MTUS1: variants seen among roughly 807,000 people sequenced by gnomAD.
MTUS1 encodes microtubule associated scaffold protein 1, also known as microtubule-associated tumor suppressor 1.
In MTUS1, 109 loss-of-function variants were observed where a neutral mutation model predicts 120.8. That is an observed-to-expected ratio of 0.90 (90% CI 0.77 to 1.06). The LOEUF is 1.06. Among genes scored for constraint, MTUS1 ranks in the 50% least tolerant of loss-of-function variants. MTUS1 has a pLI of 0.00. For synonymous variants in MTUS1, 737 were observed against 550.5 expected (o/e 1.34, Z -4.74); for missense variants, 2,210 against 1,486.3 (o/e 1.49, Z -8.01).
chr8:17,702,595 G>A (rs1219032251), intron 6 of MTUS1, among the ~76,000 whole-genome samples: 1 of 152,130 alleles, frequency 6.6e-6, no homozygotes, highest in Non-Finnish European at 1.5e-5. Context: ...CTTTGACTAT[G>A]TTAGATGCCT....
intron 6 of MTUS1, among the ~76,000 whole-genome samples, chr8:17,699,597 T>G (rs1818636467): frequency 6.6e-6 from 1 of 152,226 alleles, no homozygotes; most frequent in Admixed American, 6.5e-5. Context: ...ATCAGATTCA[T>G]TAACATTTTT....
rs777452896 is a variant in MTUS1 at position 17,755,740 on chromosome 8, T to C, written c.68A>G (p.Asp23Gly). The change falls in exon 2 of 15, where the codon GAT becomes GGT. Residue 23 changes from aspartate to glycine, a missense_variant. By Grantham distance (94) the Asp-to-Gly change is moderately conservative (BLOSUM62 -1). Transcript: ENST00000693296. ...ELQTFFTSDK[D>G]GNTHAYNPKS... ...CGGGTTGTATGCATGTGTATTTCCA[T>C]CTTTATCACTGGTAAAGAAGGTTTG... 1.2e-6 allele frequency: 2 copies of C among 1,614,016 alleles called. No individual in the cohort carries two copies. The highest frequency in any genetic ancestry group is 8.5e-7 in the Non-Finnish European group (1 of 1,179,998).
chr8:17,753,866 C>T lies in MTUS1; in HGVS notation c.1942G>A (p.Ala648Thr), dbSNP rs1220551134. 3 of 1,614,194 alleles carry T rather than the reference C, an allele frequency of 1.9e-6. No individual in the cohort carries two copies. Among genetic ancestry groups the T allele is most frequent in the East Asian group, 2.2e-5 (1 of 44,890 alleles). ...ACATAGGTCATTTCCAAACATTCTGCACTTTCCATTTTAACAGGGAGTATG... is the reference window on the plus strand; with the variant it reads ...ACATAGGTCATTTCCAAACATTCTGTACTTTCCATTTTAACAGGGAGTATG... ...KGILPVKMESAECLEMTYVPN... is the reference protein window; with the variant it reads ...KGILPVKMESTECLEMTYVPN... The change falls in exon 2 of 15, where the codon GCA (alanine) becomes ACA (threonine). Residue 648 changes from alanine (A) to threonine (T), a missense_variant. Ala to Thr is a moderately conservative substitution (Grantham distance 58). Coordinates refer to ENST00000693296, the MANE Select transcript of MTUS1 (RefSeq NM_001363059.2).
At chr8:17,761,372 TTCA>T (rs1362050949) in intron 1 of MTUS1, among the ~76,000 whole-genome samples, 1 of 152,202 alleles carries the variant, frequency 6.6e-6, no homozygotes, top group South Asian at 2.1e-4. Flanking sequence ...TATAATAGAA[TTCA>T]TCATCATTAC....
intron 1 of MTUS1, among the ~76,000 whole-genome samples, chr8:17,759,314 A>C (rs1271221648): frequency 2.0e-5 from 3 of 149,810 alleles, no homozygotes; most frequent in African/African-American, 7.4e-5. Flanking sequence ...CCCAAGCTGC[A>C]GTGCAGTGAT....
At chr8:17,650,223 C>T (rs1372996173) in intron 12 of MTUS1, among the ~76,000 whole-genome samples, 1 of 152,136 alleles carries the variant, frequency 6.6e-6, no homozygotes, top group Non-Finnish European at 1.5e-5. Flanking sequence ...GTTATTGTAT[C>T]AAGAGAAAAA....
At chr8:17,699,011 C>G (rs1339363504) in intron 6 of MTUS1, among the ~76,000 whole-genome samples, 5 of 152,010 alleles carry the variant, frequency 3.3e-5, no homozygotes, top group Admixed American at 6.6e-5. Context: ...AAAAATATAC[C>G]AGAACCTTTT....
At chr8:17,668,793 C>T (rs1296690004) in intron 8 of MTUS1, among the ~76,000 whole-genome samples, 4 of 152,088 alleles carry the variant, frequency 2.6e-5, no homozygotes, top group Non-Finnish European at 5.9e-5. Flanking sequence ...GCCCAGTACC[C>T]GATAGTTATT....
chr8:17,775,523 G>C (rs900333461), intron 1 of MTUS1, among the ~76,000 whole-genome samples: 20 of 152,134 alleles, frequency 1.3e-4, no homozygotes, highest in African/African-American at 4.8e-4. Context: ...CTAGATGGTC[G>C]CACAGAAAGC....
At chr8:17,784,632 G>A (rs11986789) in intron 1 of MTUS1, among the ~76,000 whole-genome samples, 110,907 of 152,002 alleles carry the variant, frequency 0.73, 42,049 homozygotes, top group Non-Finnish European at 0.85. Flanking sequence ...TAATTTTTAC[G>A]ATTGAGTTCC....
At chr8:17,764,621 A>C (rs1276149382) in intron 1 of MTUS1, among the ~76,000 whole-genome samples, 1 of 152,206 alleles carries the variant, frequency 6.6e-6, no homozygotes, top group Non-Finnish European at 1.5e-5. Context: ...AATATAAAAT[A>C]TCTTAGGCTT....
intron 3 of MTUS1, among the ~76,000 whole-genome samples, chr8:17,738,815 G>T (rs975749694): frequency 6.6e-6 from 1 of 152,054 alleles, no homozygotes; most frequent in Admixed American, 6.6e-5. Flanking sequence ...AAACCATTCA[G>T]CTGGGCAACA....
At chr8:17,724,919 T>C (rs1286694603) in intron 3 of MTUS1, among the ~76,000 whole-genome samples, 2 of 152,194 alleles carry the variant, frequency 1.3e-5, no homozygotes, top group African/African-American at 4.8e-5. Context: ...TTATGCTAAT[T>C]ATAGCTCCAC....
chr8:17,684,522 T>G lies in MTUS1; in HGVS notation c.2644A>C (p.Asn882His). The change falls in exon 7 of 15, where the codon AAT (asparagine) becomes CAT (histidine). Residue 882 changes from asparagine (N) to histidine (H), a missense_variant. Asn to His is a moderately conservative substitution (Grantham distance 68). Coordinates refer to ENST00000693296, the MANE Select transcript of MTUS1 (RefSeq NM_001363059.2). ...GGCTGGATACATAAGCTTCGAGGATTCTTTTGCCTGCTCTTTTCAACTGCA... is the reference window on the plus strand; with the variant it reads ...GGCTGGATACATAAGCTTCGAGGATGCTTTTGCCTGCTCTTTTCAACTGCA... Reference protein sequence around the residue: ...LNAVEKSRQKNPRSLCIQPQT... With the variant: ...LNAVEKSRQKHPRSLCIQPQT... 2.5e-6 allele frequency: 4 copies of G among 1,613,960 alleles called. No individual in the cohort carries two copies. Among genetic ancestry groups the G allele is most frequent in the Non-Finnish European group, 3.4e-6 (4 of 1,179,994 alleles).
intron 1 of MTUS1, among the ~76,000 whole-genome samples, chr8:17,772,766 G>A (rs879694312): frequency 6.6e-6 from 1 of 152,104 alleles, no homozygotes; most frequent in African/African-American, 2.4e-5. Context: ...TTTGTAAACA[G>A]CCAGAGTAGT....
At chr8:17,765,873 G>C (rs537021931) in intron 1 of MTUS1, among the ~76,000 whole-genome samples, 16 of 152,018 alleles carry the variant, frequency 1.1e-4, no homozygotes, top group African/African-American at 3.6e-4. Context: ...AGGTACCATA[G>C]GGCTTCTAAA....
chr8:17,680,462 CGCAAAAAAAAAAA>C (rs1216813831), intron 7 of MTUS1, among the ~76,000 whole-genome samples: 9 of 92,210 alleles, frequency 9.8e-5, no homozygotes, highest in African/African-American at 2.7e-4. Flanking sequence ...AGGCCACTGT[CGCAAAAAAAAAAA>C]AAAAAAAAAA....
At chr8:17,783,639 T>G (rs1374821869) in intron 1 of MTUS1, among the ~76,000 whole-genome samples, 2 of 152,218 alleles carry the variant, frequency 1.3e-5, no homozygotes, top group African/African-American at 2.4e-5. Context: ...TGTGTTCAAC[T>G]CAGCCTGAGG....
intron 13 of MTUS1, 112 bp from the exon 14 acceptor site, chr8:17,647,191 C>A: frequency 6.7e-6 from 5 of 744,164 alleles, no homozygotes; most frequent in Non-Finnish European, 1.1e-5. Flanking sequence ...AAGGAAAATG[C>A]AATTCCATAT....
Sources: allele counts gnomAD v4.1 joint callset (sites outside exome capture counted in the v4.1 genomes callset), GRCh38; gene constraint gnomAD v4.1.1; transcripts MANE v1.5; gene names NCBI Gene and HGNC (gene_info 2026-07-23, HGNC 2026-07-21).